PGBD2: variants seen among roughly 807,000 people sequenced by gnomAD.
PGBD2 encodes the protein piggyBac transposable element-derived protein 2.
A neutral mutation model predicts 8.1 loss-of-function variants in PGBD2; 6 were observed. The ratio of observed to expected loss-of-function variants is 0.74; its 90% CI spans 0.40 to 1.46. The LOEUF (loss-of-function observed/expected upper bound fraction) is 1.46, where lower values mean the gene tolerates loss of function less well. Among genes scored for constraint, PGBD2 ranks in the 40% most tolerant of loss-of-function variants. The pLI, the probability that PGBD2 is intolerant of heterozygous loss-of-function variation, is 0.02. For synonymous variants in PGBD2, 318 were observed against 272.2 expected, an observed-to-expected ratio of 1.17 and a Z score of -1.66; for missense variants, 802 against 739.0, an observed-to-expected ratio of 1.09 and a Z score of -0.99.
At chr1:248,898,308 C>G in the PGBD2 span, among the ~76,000 whole-genome samples, 3 of 152,196 alleles carry the variant, frequency 2.0e-5, no homozygotes, top group Non-Finnish European at 4.4e-5. Context: ...GGTCTCCAGA[C>G]ACCTCCAGCA....
the PGBD2 span, among the ~76,000 whole-genome samples, chr1:248,925,168 C>G: frequency 6.6e-6 from 1 of 152,128 alleles, no homozygotes; most frequent in African/African-American, 2.4e-5. Context: ...CACACAAATA[C>G]CAAGGTTAGG....
chr1:248,881,250 G>A, the PGBD2 span, among the ~76,000 whole-genome samples: 1 of 152,306 alleles, frequency 6.6e-6, no homozygotes, highest in South Asian at 2.1e-4. Flanking sequence ...AGGAGTCCCT[G>A]TATGTAAGTC....
chr1:248,923,401 C>A (rs1345578992), downstream of PGBD2, among the ~76,000 whole-genome samples: 19 of 152,094 alleles, frequency 1.2e-4, no homozygotes, highest in South Asian at 4.1e-4. Flanking sequence ...TTTCAAAAAA[C>A]CAGCTCCTGG....
At chr1:248,912,186 T>G (rs1661916906) in intron 1 of PGBD2, among the ~76,000 whole-genome samples, 1 of 152,154 alleles carries the variant, frequency 6.6e-6, no homozygotes, top group Admixed American at 6.5e-5. Flanking sequence ...ACTCCTATAA[T>G]TAATTTCTGT....
At chr1:248,914,552 A>G in intron 2 of PGBD2, 1 of 1,289,262 alleles carries the variant, frequency 7.8e-7, no homozygotes, top group Non-Finnish European at 1.0e-6. Flanking sequence ...TCCAAAGTCC[A>G]TGGGCAGGTC....
the PGBD2 span, among the ~76,000 whole-genome samples, chr1:248,897,692 C>T: frequency 6.6e-6 from 1 of 152,154 alleles, no homozygotes; most frequent in African/African-American, 2.4e-5. Context: ...CTGTCTGTTC[C>T]TGTAGGAAGG....
the PGBD2 span, among the ~76,000 whole-genome samples, chr1:248,925,948 G>A: frequency 6.6e-6 from 1 of 152,042 alleles, no homozygotes; most frequent in Non-Finnish European, 1.5e-5. Context: ...TGGCTCACAG[G>A]CTCCACTTCT....
At chr1:248,895,386 G>A in the PGBD2 span, among the ~76,000 whole-genome samples, 3 of 152,158 alleles carry the variant, frequency 2.0e-5, no homozygotes, top group Non-Finnish European at 4.4e-5. Context: ...ACAAAGAGGA[G>A]GAAGAAGGTC....
chr1:248,915,756 C>G (rs934683813), intron 2 of PGBD2, among the ~76,000 whole-genome samples: 3 of 152,168 alleles, frequency 2.0e-5, no homozygotes, highest in African/African-American at 7.2e-5. Context: ...CGCAAGGGAG[C>G]TATCTGAAAA....
the PGBD2 span, among the ~76,000 whole-genome samples, chr1:248,897,994 AC>A: frequency 1.3e-5 from 2 of 151,896 alleles, no homozygotes; most frequent in African/African-American, 4.8e-5. Flanking sequence ...TTTACATGGG[AC>A]CCCGACCCAT....
Position 248,913,754 on chromosome 1 carries a change from A to T in PGBD2, c.-47-62A>T, listed in dbSNP as rs1661992603. 10 of 849,772 alleles carry T rather than the reference A, an allele frequency of 1.2e-5. No homozygotes were observed. The South Asian group carries it at 1.4e-4, about 12-fold the overall frequency. The allele number at this position is 849,772 out of a possible 1,614,324, so 52.6% of individuals were successfully genotyped here. On this transcript the variant is annotated intron_variant, in intron 1 of 2. Coordinates refer to ENST00000329291, the MANE Select transcript of PGBD2 (RefSeq NM_170725.3). ...ATTTTTCCCTTAAATGGTAGAAAAG[A>T]TCCTGTTGCCTTGCTTCTTAAGATA... is the stretch of plus-strand genomic sequence containing the variant.
the PGBD2 span, among the ~76,000 whole-genome samples, chr1:248,880,100 G>A: frequency 3.2e-4 from 49 of 152,250 alleles, no homozygotes; most frequent in African/African-American, 1.1e-3. Context: ...GACATTAAAC[G>A]AGACCAGGAC....
intron 2 of PGBD2, 72 bp from the exon 3 acceptor site, chr1:248,916,530 C>G (rs1662103286): frequency 7.4e-7 from 1 of 1,347,424 alleles, no homozygotes; most frequent in Non-Finnish European, 1.0e-6. Context: ...AGTGGGAGCA[C>G]CCTCCTCTTT....
upstream of PGBD2, among the ~76,000 whole-genome samples, chr1:248,904,199 A>C (rs576676455): frequency 1.3e-5 from 2 of 152,134 alleles, no homozygotes; most frequent in East Asian, 3.9e-4. Flanking sequence ...TTTTTCCTTA[A>C]AGCTTATTTA....
downstream of PGBD2, among the ~76,000 whole-genome samples, chr1:248,921,172 T>C (rs1332153743): frequency 6.6e-6 from 1 of 152,232 alleles, no homozygotes; most frequent in Non-Finnish European, 1.5e-5. Context: ...GTTTTGGCTT[T>C]TGTTGCCATT....
In PGBD2 at chr1:248,918,362, G is replaced by T. The variant is rs1192139239; in HGVS notation, c.1778G>T (p.Ter593LeuextTer10). The change falls in exon 3 of 3, where the codon TGA becomes TTA. Residue 593 changes from the stop codon to leucine (L), a stop_lost. Coordinates refer to ENST00000329291, the MANE Select transcript of PGBD2 (RefSeq NM_170725.3). ...AKCFREYHIR[*>L] The stretch of plus-strand genomic sequence containing the variant: ...TGCTTCAGGGAGTACCACATCCGGT[G>T]ACATCATGAGACATGCTTCTTTGGT... 6 of 1,530,338 alleles carry T rather than the reference G, an allele frequency of 3.9e-6. No homozygotes were observed. The highest frequency in any genetic ancestry group is 5.3e-6 in the Non-Finnish European group (6 of 1,140,824). The allele number at this position is 1,530,338 out of a possible 1,614,324, so 94.8% of individuals were successfully genotyped here. A position where few individuals can be genotyped will look rare whatever the true frequency, so the allele number is the denominator to read the frequency against.
At chr1:248,921,201 A>C (rs981936542), downstream of PGBD2, among the ~76,000 whole-genome samples, 1 of 152,190 alleles carries the variant, frequency 6.6e-6, no homozygotes, top group African/African-American at 2.4e-5. Flanking sequence ...TGTTTTAGAC[A>C]TGAAGTCTTT....
In PGBD2 at chr1:248,917,718, G is replaced by C. The variant is rs771194859; in HGVS notation, c.1134G>C (p.Arg378Ser). The change falls in exon 3 of 3, where the codon AGG becomes AGC. Residue 378 changes from arginine (R) to serine (S), a missense_variant. Arg to Ser is a moderately radical substitution (Grantham distance 110). Transcript: ENST00000329291. The part of the protein sequence containing the change: ...VKATGTVREY[R>S]TERCPLKDPK... ...CCACAGGAACTGTTCGTGAGTACAGGACTGAGCGATGTCCCCTAAAAGACC... is the reference window on the plus strand; with the variant it reads ...CCACAGGAACTGTTCGTGAGTACAGCACTGAGCGATGTCCCCTAAAAGACC... 9 of 1,614,208 alleles carry C rather than the reference G, an allele frequency of 5.6e-6. No individual in the cohort carries two copies. Among genetic ancestry groups the C allele is most frequent in the Non-Finnish European group, 7.6e-6 (9 of 1,180,030 alleles).
upstream of PGBD2, among the ~76,000 whole-genome samples, chr1:248,903,566 T>C (rs2103097977): frequency 6.6e-6 from 1 of 152,348 alleles, no homozygotes; most frequent in African/African-American, 2.4e-5. Context: ...GTCATCGGAA[T>C]GCATGCCACC....
Sources: allele counts gnomAD v4.1 joint callset (sites outside exome capture counted in the v4.1 genomes callset), GRCh38; gene constraint gnomAD v4.1.1; transcripts MANE v1.5; gene names NCBI Gene and HGNC (gene_info 2026-07-23, HGNC 2026-07-21).